The following MRPL22 variants were observed in gnomAD, a reference collection of about 807,000 sequenced individuals.
MRPL22 encodes large ribosomal subunit protein uL22m.
MRPL22 carries 27 observed loss-of-function variants against 32.4 expected under a neutral mutation model. That is an observed-to-expected ratio of 0.83 (90% CI 0.61 to 1.15). The LOEUF (loss-of-function observed/expected upper bound fraction) is 1.15, where lower values mean the gene tolerates loss of function less well. Among genes scored for constraint, MRPL22 ranks in the 50% most tolerant of loss-of-function variants. The pLI is 0.00. For missense variants in MRPL22, 239 were observed against 260.2 expected, an observed-to-expected ratio of 0.92 and a Z score of 0.56; for synonymous variants, 86 against 87.3, an observed-to-expected ratio of 0.99 and a Z score of 0.08.
rs1764777714 is a variant in MRPL22, at chr5:154,966,951, TAAAC to T, written c.*58_*61del. 24 of 1,499,562 alleles carry T rather than the reference TAAAC, an allele frequency of 1.6e-5. No homozygotes were observed. Among genetic ancestry groups the T allele is most frequent in the South Asian group, 2.5e-5 (2 of 79,464 alleles). The allele number at this position is 1,499,562 out of a possible 1,614,324, so 92.9% of individuals were successfully genotyped here. ...TATTTTGCCATTTATTTTCTAAAAATAAACAAAAATTGAAGGCAAATGCTTTTTA... is the reference window on the plus strand; with the variant it reads ...TATTTTGCCATTTATTTTCTAAAAATAAAAATTGAAGGCAAATGCTTTTTA... On this transcript the variant is annotated 3_prime_UTR_variant, in exon 7 of 7. Transcript: ENST00000523037.
chr5:154,953,095 A>C (rs1764584493), intron 3 of MRPL22, among the ~76,000 whole-genome samples: 1 of 152,138 alleles, frequency 6.6e-6, no homozygotes, highest in Non-Finnish European at 1.5e-5. Context: ...GTGGTGGTTC[A>C]TGCCTGTAAT....
intron 5 of MRPL22, 85 bp downstream of exon 5, chr5:154,957,297 T>G: frequency 8.8e-7 from 1 of 1,140,242 alleles, no homozygotes; most frequent in African/African-American, 1.5e-5. Context: ...TTAGCCTAAA[T>G]CATGAATTCC....
chr5:154,944,102 T>G (rs1196472836), intron 2 of MRPL22, among the ~76,000 whole-genome samples: 2 of 152,130 alleles, frequency 1.3e-5, no homozygotes, highest in Admixed American at 1.3e-4. Context: ...GGACTACAGG[T>G]GCAGGCCGCC....
intron 2 of MRPL22, among the ~76,000 whole-genome samples, chr5:154,947,612 G>A (rs184756845): frequency 6.6e-6 from 1 of 152,174 alleles, no homozygotes; most frequent in African/African-American, 2.4e-5. Flanking sequence ...ACCACTTTGA[G>A]TATATAAGTC....
chr5:154,955,439 A>G (rs1037348453), intron 3 of MRPL22: 2 of 152,206 alleles, frequency 1.3e-5, no homozygotes, highest in Admixed American at 6.5e-5. Context: ...GTGGAAAGAA[A>G]GTGGGTTTTA....
At position 154,943,058 on chromosome 5, in the gene MRPL22, A is replaced by C. The variant is rs111511154; in HGVS notation, c.77+1793A>C. 3.5e-3 allele frequency among the ~76,000 whole-genome samples: 532 copies of C among 152,328 alleles called. 2 individuals are homozygous for C. Among genetic ancestry groups the C allele is most frequent in the African/African-American group, 0.012 (513 of 41,558 alleles). ...TAGTGGGGAAAATGACCATAAGAAA[A>C]CTAAGTAGAAAGGTATAAATAATGT... On this transcript the variant is annotated intron_variant, in intron 2 of 6. Coordinates refer to ENST00000523037, the MANE Select transcript of MRPL22 (RefSeq NM_014180.4).
chr5:154,966,760 GAGA>G lies in MRPL22; in HGVS notation c.487_489del (p.Lys163del), dbSNP rs1392443106. On this transcript the variant is annotated inframe_deletion, in exon 7 of 7. Coordinates refer to ENST00000523037, the MANE Select transcript of MRPL22 (RefSeq NM_014180.4). ...TGGCAGAGGTCGCTTTGGGATCATG[GAGA>G]AGGTTTATTGCCATTATTTTGTGAA... is the stretch of plus-strand genomic sequence containing the variant. The G allele has an allele frequency of 5.0e-6, 8 of 1,614,224 alleles. No individual in the cohort carries two copies. Among genetic ancestry groups the G allele is most frequent in the East Asian group, 2.2e-5 (1 of 44,890 alleles).
chr5:154,941,373 A>C, intron 2 of MRPL22, 108 bp downstream of exon 2: 1 of 1,393,830 alleles, frequency 7.2e-7, no homozygotes, highest in Non-Finnish European at 9.8e-7. Flanking sequence ...CTCTGGGGTT[A>C]CTGAGGCGAA....
intron 6 of MRPL22, among the ~76,000 whole-genome samples, chr5:154,965,305 TTTTA>T (rs1441742094): frequency 6.6e-6 from 1 of 152,222 alleles, no homozygotes; most frequent in African/African-American, 2.4e-5. Context: ...GATTTTACCT[TTTTA>T]AAAGGCTTAT....
At chr5:154,952,028 G>A (rs976929279) in intron 3 of MRPL22, among the ~76,000 whole-genome samples, 1 of 151,692 alleles carries the variant, frequency 6.6e-6, no homozygotes, top group South Asian at 2.1e-4. Context: ...GACTACAGGC[G>A]CCTGCCACCA....
At chr5:154,945,212 G>A (rs371375187) in intron 2 of MRPL22, among the ~76,000 whole-genome samples, 1 of 152,116 alleles carries the variant, frequency 6.6e-6, no homozygotes. Context: ...TAGGGTGGCC[G>A]TGAAGGTAAG....
chr5:154,957,272 C>A, intron 5 of MRPL22, 60 bp downstream of exon 5: 1 of 1,370,898 alleles, frequency 7.3e-7, no homozygotes, highest in Non-Finnish European at 1.0e-6. Context: ...AGCTGTCTTG[C>A]AATTATTAGT....
intron 3 of MRPL22, among the ~76,000 whole-genome samples, chr5:154,953,976 G>A (rs565029904): frequency 4.0e-5 from 6 of 148,552 alleles, no homozygotes; most frequent in Middle Eastern, 3.8e-3. Context: ...GTGAGCCACC[G>A]CACCTGGCCT....
At chr5:154,946,111 T>C (rs1764486808) in intron 2 of MRPL22, among the ~76,000 whole-genome samples, 1 of 151,962 alleles carries the variant, frequency 6.6e-6, no homozygotes, top group South Asian at 2.1e-4. Context: ...ACCAAATATG[T>C]ATTGAAGATT....
At chr5:154,953,362 GAAAAAAAAAAAAAAA>G (rs573134537) in intron 3 of MRPL22, among the ~76,000 whole-genome samples, 1 of 69,236 alleles carries the variant, frequency 1.4e-5, no homozygotes, top group Non-Finnish European at 2.6e-5. Flanking sequence ...CGTCTCAGGA[GAAAAAAAAAAAAAAA>G]AAAAAAAAAA....
At chr5:154,960,491 C>G (rs1764687589) in intron 6 of MRPL22, among the ~76,000 whole-genome samples, 1 of 152,162 alleles carries the variant, frequency 6.6e-6, no homozygotes, top group Non-Finnish European at 1.5e-5. Context: ...TTTAACCTTA[C>G]AGTTATCAAA....
chr5:154,969,352 T>G lies in MRPL22; in HGVS notation c.*2455T>G, dbSNP rs1485682440. The G allele has an allele frequency of 1.3e-5, 2 of 152,346 alleles. No homozygotes were observed. Among genetic ancestry groups the G allele is most frequent in the African/African-American group, 4.8e-5 (2 of 41,460 alleles). The allele number at this position is 152,346 out of a possible 1,614,324, so 9.4% of individuals were successfully genotyped here. ...CCCTCTGCCATGATTGTAAGTTTCC[T>G]GAGGCCTCCCCAGCCATGCAGAACT... is the stretch of plus-strand genomic sequence containing the variant. On this transcript the variant is annotated 3_prime_UTR_variant, in exon 7 of 7. Coordinates refer to ENST00000523037, the MANE Select transcript of MRPL22 (RefSeq NM_014180.4).
Position 154,967,010 on chromosome 5 carries a change from T to A in MRPL22, c.*113T>A. ...TTCTCATTGAATTATTGAAACAGTGTATAACTGCTAGTTGTAAATGAATAT... is the reference window on the plus strand; with the variant it reads ...TTCTCATTGAATTATTGAAACAGTGAATAACTGCTAGTTGTAAATGAATAT... On this transcript the variant is annotated 3_prime_UTR_variant, in exon 7 of 7. Coordinates refer to ENST00000523037, the MANE Select transcript of MRPL22 (RefSeq NM_014180.4). The surrounding 1 kb of genome is among the most constrained non-coding windows in gnomAD (Gnocchi z 4.7). The A allele has an allele frequency of 9.2e-7, 1 of 1,087,042 alleles. No homozygotes were observed. The highest frequency in any genetic ancestry group is 1.3e-6 in the Non-Finnish European group (1 of 775,274). The allele number at this position is 1,087,042 out of a possible 1,614,324, so 67.3% of individuals were successfully genotyped here.
intron 6 of MRPL22, among the ~76,000 whole-genome samples, chr5:154,961,390 T>C (rs1474327678): frequency 1.3e-5 from 2 of 152,244 alleles, no homozygotes; most frequent in African/African-American, 4.8e-5. Flanking sequence ...AACCTCTTGG[T>C]GATTCTTCCT....
Sources: gnomAD v4.1 joint callset for allele counts (sites outside exome capture counted in the v4.1 genomes callset) on GRCh38, gnomAD v4.1.1 for gene constraint, Gnocchi (gnomAD v3.1) non-coding constraint, MANE v1.5 for transcripts, NCBI Gene and HGNC (gene_info 2026-07-23, HGNC 2026-07-21) for gene names.